FHL2: variants seen among roughly 807,000 people sequenced by gnomAD.
FHL2 encodes the protein four and a half LIM domains protein 2.
FHL2 carries 20 observed loss-of-function variants against 32.7 expected under a neutral mutation model. That is an observed-to-expected ratio of 0.61 (90% confidence interval 0.43 to 0.89). FHL2 has a LOEUF of 0.89. Ranked by LOEUF, FHL2 falls within the 40% of genes least tolerant of loss-of-function variation. The pLI, the probability that FHL2 is intolerant of heterozygous loss-of-function variation, is 0.00. For synonymous variants in FHL2, 123 were observed against 128.1 expected (o/e 0.96, Z 0.27); for missense variants, 311 against 358.6 (o/e 0.87, Z 1.07).
intron 1 of FHL2, chr2:105,396,986 T>A: frequency 3.8e-6 from 1 of 266,426 alleles, no homozygotes. Context: ...AGGACAGGAG[T>A]AAACTACTCC....
Position 105,386,203 on chromosome 2 carries a change from G to A in FHL2, c.156+158C>T, listed in dbSNP as rs572886207. 167 of 716,200 alleles carry A rather than the reference G, an allele frequency of 2.3e-4. 4 individuals are homozygous for A. The South Asian group carries it at 3.4e-3, about 15-fold the overall frequency. The allele number at this position is 716,200 out of a possible 1,614,324, so 44.4% of individuals were successfully genotyped here. Reference sequence around the variant, plus strand: ...TGGGCAGAGATCACATTCGCTAGAGGGAAGAAGCTTCCGAAAGGCTACACG... The same window carrying A: ...TGGGCAGAGATCACATTCGCTAGAGAGAAGAAGCTTCCGAAAGGCTACACG... On this transcript the variant is annotated intron_variant, in intron 3 of 6. Coordinates refer to ENST00000530340, the MANE Select transcript of FHL2 (RefSeq NM_001318895.3).
At chr2:105,373,422 T>G in intron 4 of FHL2, 137 bp downstream of exon 4, 1 of 835,038 alleles carries the variant, frequency 1.2e-6, no homozygotes, top group Non-Finnish European at 2.0e-6. Flanking sequence ...CTCTAAATAC[T>G]CCTCTGCAGT....
At chr2:105,365,729 C>G (rs1680585893) in intron 5 of FHL2, among the ~76,000 whole-genome samples, 1 of 151,272 alleles carries the variant, frequency 6.6e-6, no homozygotes, top group African/African-American at 2.4e-5. Context: ...CCTGTAATCC[C>G]AGCTGCTCAG....
At chr2:105,383,100 G>A (rs544981763) in intron 3 of FHL2, among the ~76,000 whole-genome samples, 1 of 152,316 alleles carries the variant, frequency 6.6e-6, no homozygotes, top group Non-Finnish European at 1.5e-5. Context: ...TGGCCAGGCT[G>A]GTCTCCAGCT....
chr2:105,407,614 G>C (rs1683675993), intron 1 of FHL2, among the ~76,000 whole-genome samples: 1 of 151,932 alleles, frequency 6.6e-6, no homozygotes, highest in Non-Finnish European at 1.5e-5. Flanking sequence ...ATGCAAACTT[G>C]GGAATCTCTG....
intron 5 of FHL2, among the ~76,000 whole-genome samples, chr2:105,366,642 G>A (rs1680654042): frequency 6.6e-6 from 1 of 152,212 alleles, no homozygotes; most frequent in African/African-American, 2.4e-5. Context: ...GGGGCAACTG[G>A]GCAGAGAGAT....
intron 2 of FHL2, among the ~76,000 whole-genome samples, chr2:105,390,812 T>TG (rs891554169): frequency 2.7e-5 from 4 of 150,912 alleles, no homozygotes; most frequent in African/African-American, 7.3e-5. Context: ...TTTTTTTTTT[T>TG]TTGAGACAGA....
chr2:105,435,372 A>G (rs1558738186), intron 1 of FHL2, among the ~76,000 whole-genome samples: 1 of 152,208 alleles, frequency 6.6e-6, no homozygotes, highest in African/African-American at 2.4e-5. Context: ...GGAGTAGAAC[A>G]TTCAAATCAT....
intron 3 of FHL2, among the ~76,000 whole-genome samples, chr2:105,381,386 A>G (rs2104566358): frequency 1.3e-5 from 2 of 152,258 alleles, no homozygotes; most frequent in African/African-American, 4.8e-5. Context: ...CCCGTGAGCT[A>G]GGAACCCCAG....
At chr2:105,363,944 CA>C (rs750373595) in intron 5 of FHL2, among the ~76,000 whole-genome samples, 3 of 152,122 alleles carry the variant, frequency 2.0e-5, no homozygotes, top group Non-Finnish European at 2.9e-5. Context: ...GTTAATTGGG[CA>C]AGTTGATGAG....
chr2:105,436,414 G>T (rs1245305187), intron 1 of FHL2, among the ~76,000 whole-genome samples: 1 of 151,926 alleles, frequency 6.6e-6, no homozygotes, highest in Non-Finnish European at 1.5e-5. Flanking sequence ...CAACTATTAT[G>T]AATATTTTAA....
intron 1 of FHL2, among the ~76,000 whole-genome samples, chr2:105,422,193 C>T (rs1316012943): frequency 6.6e-6 from 1 of 152,152 alleles, no homozygotes; most frequent in African/African-American, 2.4e-5. Flanking sequence ...TGTTGGTTTG[C>T]TTATGTTTGT....
intron 2 of FHL2, among the ~76,000 whole-genome samples, chr2:105,392,950 G>A (rs1281681353): frequency 6.7e-6 from 1 of 149,758 alleles, no homozygotes; most frequent in East Asian, 2.0e-4. Flanking sequence ...CTCCCAAGTA[G>A]CTGGTATTAC....
Position 105,386,301 on chromosome 2 carries a change from C to T in FHL2, c.156+60G>A, listed in dbSNP as rs754064772. Reference sequence around the variant, plus strand: ...TGGATCAGGGCTTCAGCACAAACCACAGAGAAACCCGTGTTTCCTAGGGGA... The same window carrying T: ...TGGATCAGGGCTTCAGCACAAACCATAGAGAAACCCGTGTTTCCTAGGGGA... On this transcript the variant is annotated intron_variant, in intron 3 of 6. Transcript: ENST00000530340. 2.7e-5 allele frequency: 42 copies of T among 1,581,946 alleles called. No homozygotes were observed. The African/African-American group carries it at 5.5e-4, about 21-fold the overall frequency.
At chr2:105,435,053 C>T (rs796256450) in intron 1 of FHL2, among the ~76,000 whole-genome samples, 21 of 152,244 alleles carry the variant, frequency 1.4e-4, no homozygotes, top group African/African-American at 4.3e-4. Flanking sequence ...TGTAACATTA[C>T]TACCAATCTT....
chr2:105,427,426 AG>A (rs1314581400), intron 1 of FHL2, among the ~76,000 whole-genome samples: 1 of 152,220 alleles, frequency 6.6e-6, no homozygotes. Context: ...GTTTCAGTGA[AG>A]TCTGGACAAG....
intron 1 of FHL2, among the ~76,000 whole-genome samples, chr2:105,419,110 C>G (rs1488034296): frequency 6.6e-6 from 1 of 152,168 alleles, no homozygotes. Flanking sequence ...ATCAGAAAGA[C>G]AGACATGTAG....
chr2:105,402,179 GTATGTATATATGTATATATA>G (rs1683494143), upstream of FHL2, among the ~76,000 whole-genome samples: 1 of 146,256 alleles, frequency 6.8e-6, no homozygotes, highest in Non-Finnish European at 1.5e-5. Flanking sequence ...ATATGTATCT[GTATGTATATATGTATATATA>G]TGTGTATATA....
In FHL2 at chr2:105,429,382, T is replaced by C. The variant is rs1684358127; in HGVS notation, c.-25+9017A>G. On this transcript the variant is annotated intron_variant, in intron 1 of 5. Transcript: ENST00000393352. ...AGTTAAGGATCATGAGATAGGGGGA[T>C]TATTCTACATTATCTGGACATCCCC... Among the ~76,000 whole-genome samples, 8 of 152,304 alleles carry C rather than the reference T, an allele frequency of 5.3e-5. No individual in the cohort carries two copies. In the South Asian group the frequency reaches 1.7e-3, roughly 32 times the overall value.
Sources: allele counts gnomAD v4.1 joint callset (sites outside exome capture counted in the v4.1 genomes callset), GRCh38; gene constraint gnomAD v4.1.1; transcripts MANE v1.5; gene names NCBI Gene and HGNC (gene_info 2026-07-23, HGNC 2026-07-21).